The following NAA35 variants were observed in gnomAD, a reference collection of about 807,000 sequenced individuals.
NAA35 encodes the protein MAK10 homolog, amino-acid N-acetyltransferase subunit.
NAA35 carries 18 observed loss-of-function variants against 101.7 expected under a neutral mutation model. The ratio of observed to expected loss-of-function variants is 0.18; its 90% CI spans 0.12 to 0.26. NAA35 has a LOEUF of 0.26. Ranked by LOEUF, NAA35 falls within the 10% of genes least tolerant of loss-of-function variation. The probability of loss-of-function intolerance (pLI) is 1.00; values close to 1 mark genes in which losing one functional copy is unlikely to be tolerated. For missense variants in NAA35, 601 were observed against 886.8 expected (o/e 0.68, Z 4.09); for synonymous variants, 267 against 273.1 (o/e 0.98, Z 0.22).
At chr9:85,953,522 T>C (rs1829112309) in intron 2 of NAA35, among the ~76,000 whole-genome samples, 1 of 151,966 alleles carries the variant, frequency 6.6e-6, no homozygotes. Flanking sequence ...TGCCTCCTGG[T>C]TTGAGTGATT....
intron 11 of NAA35, among the ~76,000 whole-genome samples, chr9:85,987,372 T>C (rs1830692746): frequency 6.6e-6 from 1 of 152,186 alleles, no homozygotes; most frequent in Admixed American, 6.5e-5. Context: ...CTGACCTTGG[T>C]GCCAAAGACA....
chr9:85,964,346 G>GCCCAT (rs1218546882), intron 6 of NAA35, among the ~76,000 whole-genome samples: 2 of 152,074 alleles, frequency 1.3e-5, no homozygotes, highest in Non-Finnish European at 2.9e-5. Flanking sequence ...AGTAAGTTGT[G>GCCCAT]CCCATTAAAG....
At chr9:86,009,318 T>C (rs1027171593) in intron 14 of NAA35, among the ~76,000 whole-genome samples, 1 of 152,168 alleles carries the variant, frequency 6.6e-6, no homozygotes, top group African/African-American at 2.4e-5. Context: ...TCCTGGGTGC[T>C]GGGTGCACTG....
In NAA35 at chr9:86,021,858, A is replaced by G. The variant is rs772774741; in HGVS notation, c.2119-43A>G. 9 of 1,434,896 alleles carry G rather than the reference A, an allele frequency of 6.3e-6. No homozygotes were observed. In the Admixed American group the frequency reaches 6.9e-5, roughly 11 times the overall value. The allele number at this position is 1,434,896 out of a possible 1,614,324, so 88.9% of individuals were successfully genotyped here. The stretch of plus-strand genomic sequence containing the variant: ...AGTCTTTGTTTTGTGTACCATCTGA[A>G]TATTTGTAGATACATTAATTGAGTT... On this transcript the variant is annotated intron_variant, in intron 22 of 22. Transcript: ENST00000361671.
intron 11 of NAA35, among the ~76,000 whole-genome samples, chr9:85,987,622 A>G (rs758008964): frequency 1.3e-5 from 2 of 152,166 alleles, no homozygotes; most frequent in African/African-American, 4.8e-5. Context: ...GAGGATTTCT[A>G]GTTTGGGGAT....
At chr9:86,000,214 A>G (rs1430662435) in intron 12 of NAA35, among the ~76,000 whole-genome samples, 1 of 152,068 alleles carries the variant, frequency 6.6e-6, no homozygotes, top group African/African-American at 2.4e-5. Context: ...ATTTTTTTGT[A>G]TGTTGAAACA....
intron 11 of NAA35, among the ~76,000 whole-genome samples, chr9:85,987,892 G>C (rs144777580): frequency 2.2e-3 from 337 of 152,312 alleles, no homozygotes; most frequent in African/African-American, 7.8e-3. Flanking sequence ...GGATTCTCTT[G>C]GAATAATCAC....
Position 86,023,940 on chromosome 9 carries a change from C to A in NAA35, c.*1980C>A, listed in dbSNP as rs904339023. Among the ~76,000 whole-genome samples the A allele has an allele frequency of 2.0e-5, 3 of 152,240 alleles. No homozygotes were observed. In the East Asian group the frequency reaches 5.8e-4, roughly 29 times the overall value. Reference sequence around the variant, plus strand: ...CTCAAGCAGTCCTCCTGCCTCAGCCCCCAGAGTAGCTGGGATTATAGGCAA... The same window carrying A: ...CTCAAGCAGTCCTCCTGCCTCAGCCACCAGAGTAGCTGGGATTATAGGCAA... On this transcript the variant is annotated 3_prime_UTR_variant, in exon 23 of 23. Transcript: ENST00000361671.
chr9:85,941,747 C>T (rs1414969203), intron 1 of NAA35: 7 of 989,570 alleles, frequency 7.1e-6, no homozygotes, highest in Non-Finnish European at 8.4e-6. Context: ...TGAAGGGCTA[C>T]CTTGATTGAC....
chr9:85,952,415 A>C (rs530103132), intron 2 of NAA35, among the ~76,000 whole-genome samples: 1 of 151,478 alleles, frequency 6.6e-6, no homozygotes, highest in Non-Finnish European at 1.5e-5. Flanking sequence ...CCTCCCGAGT[A>C]GCTGGGATTA....
chr9:86,022,286 G>C lies in NAA35; in HGVS notation c.*326G>C, dbSNP rs1013387993. ...GTTTATAAAGGTTAATAAATTTCTTGACAAAAAAAAAATGCACTGCTGGAG... is the reference window on the plus strand; with the variant it reads ...GTTTATAAAGGTTAATAAATTTCTTCACAAAAAAAAAATGCACTGCTGGAG... On this transcript the variant is annotated 3_prime_UTR_variant, in exon 23 of 23. Coordinates refer to ENST00000361671, the MANE Select transcript of NAA35 (RefSeq NM_024635.4). 4.4e-5 allele frequency: 8 copies of C among 180,432 alleles called. No individual in the cohort carries two copies. Among genetic ancestry groups the C allele is most frequent in the Non-Finnish European group, 9.0e-5 (8 of 88,906 alleles). The allele number at this position is 180,432 out of a possible 1,614,324, so 11.2% of individuals were successfully genotyped here.
At position 85,980,572 on chromosome 9, in the gene NAA35, A is replaced by G. The variant is rs185866207; in HGVS notation, c.877+2191A>G. On this transcript the variant is annotated intron_variant, in intron 11 of 22. Coordinates refer to ENST00000361671, the MANE Select transcript of NAA35 (RefSeq NM_024635.4). Reference sequence around the variant, plus strand: ...CTGCATTCATACAGGCCTCTGTTACATTTTCTTGTACTTTGTATTTTAGTT... The same window carrying G: ...CTGCATTCATACAGGCCTCTGTTACGTTTTCTTGTACTTTGTATTTTAGTT... Among the ~76,000 whole-genome samples, 920 of 152,060 alleles carry G rather than the reference A, an allele frequency of 6.1e-3. 6 individuals carry two copies. The highest frequency in any genetic ancestry group is 7.8e-3 in the Non-Finnish European group (532 of 67,982).
intron 11 of NAA35, chr9:85,986,891 G>A (rs543165895): frequency 3.6e-5 from 6 of 165,286 alleles, no homozygotes; most frequent in South Asian, 1.5e-4. Context: ...GCGCCTGACC[G>A]GGGTGTCCAA....
chr9:85,976,593 T>G, intron 8 of NAA35, 92 bp from the exon 9 acceptor site: 1 of 916,300 alleles, frequency 1.1e-6, no homozygotes, highest in Non-Finnish European at 1.6e-6. Flanking sequence ...CAGATTCTTG[T>G]GTATACTTAA....
At position 86,007,422 on chromosome 9, in the gene NAA35, A is replaced by T. The variant is rs927859010; in HGVS notation, c.1181A>T (p.Asp394Val). 3.7e-6 allele frequency: 6 copies of T among 1,613,728 alleles called. No homozygotes were observed. Among genetic ancestry groups the T allele is most frequent in the Non-Finnish European group, 4.2e-6 (5 of 1,179,772 alleles). Residue 394 changes from aspartate (D) to valine (V), a missense_variant, in exon 14 of 23, where the codon GAT (aspartate) becomes GTT (valine). Asp to Val is a radical substitution (Grantham distance 152). Transcript: ENST00000361671. ...GTHLMQDMVK[D>V]ALRSFVSPPV... is the part of the protein sequence containing the mutation. ...CATCTCATGCAAGACATGGTGAAAGATGCACTTCGGTCTTTTGTCAGTCCT... is the reference window on the plus strand; with the variant it reads ...CATCTCATGCAAGACATGGTGAAAGTTGCACTTCGGTCTTTTGTCAGTCCT...
rs955487033 is a variant in NAA35 at position 85,941,205 on chromosome 9, C to A, written c.-74C>A. ...CTGAGAGGGGAGGGGGCGGCGGCGG[C>A]CGAGGCGGCGTCGTTATTTCCGTGG... On this transcript the variant is annotated 5_prime_UTR_variant, in exon 1 of 23. Transcript: ENST00000361671. The A allele has an allele frequency of 5.6e-5, 55 of 986,686 alleles. No individual in the cohort carries two copies. Among genetic ancestry groups the A allele is most frequent in the Non-Finnish European group, 6.5e-5 (54 of 830,902 alleles). The allele number at this position is 986,686 out of a possible 1,614,324, so 61.1% of individuals were successfully genotyped here.
At chr9:86,013,673 T>C in intron 16 of NAA35, 46 bp from the exon 17 acceptor site, 4 of 1,552,340 alleles carry the variant, frequency 2.6e-6, no homozygotes, top group Non-Finnish European at 3.5e-6. Flanking sequence ...TGTCATTACC[T>C]TAAGAAAACA....
intron 6 of NAA35, among the ~76,000 whole-genome samples, chr9:85,965,156 G>T (rs1829689369): frequency 6.6e-6 from 1 of 152,160 alleles, no homozygotes; most frequent in Non-Finnish European, 1.5e-5. Flanking sequence ...AATCTAAAAT[G>T]CACGTCTTGA....
intron 11 of NAA35, among the ~76,000 whole-genome samples, chr9:85,987,554 C>T (rs145453700): frequency 6.6e-6 from 1 of 152,096 alleles, no homozygotes; most frequent in South Asian, 2.1e-4. Flanking sequence ...AAAATTTTTT[C>T]TGTTTTTAAA....
Sources: gnomAD v4.1 joint callset for allele counts (sites outside exome capture counted in the v4.1 genomes callset) on GRCh38, gnomAD v4.1.1 for gene constraint, MANE v1.5 for transcripts, NCBI Gene and HGNC (gene_info 2026-07-23, HGNC 2026-07-21) for gene names.